DMBT1: variants seen among roughly 807,000 people sequenced by gnomAD.
The protein encoded by DMBT1 is scavenger receptor cysteine-rich domain-containing protein DMBT1.
In DMBT1, 198 loss-of-function variants were observed where a neutral mutation model predicts 252.9. The observed-to-expected ratio is 0.78, with a 90% CI of 0.70 to 0.88. The LOEUF is 0.88. Among genes scored for constraint, DMBT1 ranks in the 40% least tolerant of loss-of-function variants. The pLI is 0.00. For missense variants in DMBT1, 2,432 were observed against 2,404.7 expected (o/e 1.01, Z -0.24); for synonymous variants, 990 against 942.7 (o/e 1.05, Z -0.92).
rs1001154403 is a variant in DMBT1, at chr10:122,592,534, C to G, written c.2439C>G (p.Pro813=). ...ACGAGTCCTACCTGTGGAGCTGCCCCCACAATGGCTGGCTCTCCCACAACT... is the reference window on the plus strand; with the variant it reads ...ACGAGTCCTACCTGTGGAGCTGCCCGCACAATGGCTGGCTCTCCCACAACT... The part of the protein sequence containing the change: ...SGHESYLWSC[P]HNGWLSHNCG... Residue 813 remains proline, a synonymous_variant, in exon 20 of 56, where the codon CCC becomes CCG. Transcript: ENST00000338354. 1 of 1,588,180 alleles carries G rather than the reference C, an allele frequency of 6.3e-7. No homozygotes were observed. The highest frequency in any genetic ancestry group is 8.6e-7 in the Non-Finnish European group (1 of 1,165,588).
In DMBT1 at chr10:122,567,841, C is replaced by T. The variant is rs546394861; in HGVS notation, c.91+1845C>T. Reference sequence around the variant, plus strand: ...TCGAGGCTTGCTCTTGGACTTGATCCTGATGGGACTGGAGAGTGTACTGAA... The same window carrying T: ...TCGAGGCTTGCTCTTGGACTTGATCTTGATGGGACTGGAGAGTGTACTGAA... On this transcript the variant is annotated intron_variant, in intron 2 of 55. Transcript: ENST00000338354. Among the ~76,000 whole-genome samples, 4 of 152,288 alleles carry T rather than the reference C, an allele frequency of 2.6e-5. No individual in the cohort carries two copies. In the South Asian group the frequency reaches 8.3e-4, roughly 32 times the overall value.
At chr10:122,635,256 GATT>G (rs1393483258) in intron 52 of DMBT1, among the ~76,000 whole-genome samples, 1 of 152,188 alleles carries the variant, frequency 6.6e-6, no homozygotes, top group Non-Finnish European at 1.5e-5. Flanking sequence ...GCTTTAGAGA[GATT>G]ATTTGACTTG....
intron 1 of DMBT1, among the ~76,000 whole-genome samples, chr10:122,561,034 A>T (rs1314880405): frequency 6.6e-6 from 1 of 152,212 alleles, no homozygotes; most frequent in Non-Finnish European, 1.5e-5. Context: ...AAATGGTTGT[A>T]GTTAGAAAAA....
intron 11 of DMBT1, among the ~76,000 whole-genome samples, chr10:122,581,213 C>T (rs900619401): frequency 2.1e-5 from 3 of 146,124 alleles, no homozygotes; most frequent in African/African-American, 7.9e-5. Context: ...TCCGGACTCA[C>T]ATATAGTTTC....
intron 16 of DMBT1, 31 bp downstream of exon 16, chr10:122,586,414 T>C (rs573497759): frequency 6.3e-7 from 1 of 1,585,452 alleles, no homozygotes; most frequent in South Asian, 1.2e-5. Flanking sequence ...GTTTCCTCTC[T>C]TGGGGTAGAT....
chr10:122,637,030 T>G (rs1773184420), intron 53 of DMBT1, 98 bp from the exon 54 acceptor site: 1 of 1,185,402 alleles, frequency 8.4e-7, no homozygotes, highest in Non-Finnish European at 1.2e-6. Flanking sequence ...TCAGCCACCC[T>G]GGTCTGTGCA....
chr10:122,586,182 G>A lies in DMBT1; in HGVS notation c.1582G>A (p.Ala528Thr). ...TGATGACAGCTGGGACACCAATGAT[G>A]CCAATGTGGTCTGCAGGCAGCTGGG... ...VCDDSWDTND[A>T]NVVCRQLGCG... The change falls in exon 16 of 56, where the codon GCC (alanine) becomes ACC (threonine). Residue 528 changes from alanine (A) to threonine (T), a missense_variant. Around this residue, in one of 3 missense-constraint regions of DMBT1, gnomAD observed 1,264 missense variants for 1,082.2 expected, o/e 1.17. Coordinates refer to ENST00000338354, the MANE Select transcript of DMBT1 (RefSeq NM_001377530.1). 1.3e-6 allele frequency: 2 copies of A among 1,589,338 alleles called. No individual in the cohort carries two copies. Among genetic ancestry groups the A allele is most frequent in the Non-Finnish European group, 1.7e-6 (2 of 1,166,144 alleles).
At chr10:122,628,693 A>G (rs1180269351) in intron 46 of DMBT1, among the ~76,000 whole-genome samples, 1 of 152,236 alleles carries the variant, frequency 6.6e-6, no homozygotes, top group East Asian at 1.9e-4. Context: ...CAACATGATG[A>G]ACTTTGAAAA....
At chr10:122,632,918 G>A in intron 51 of DMBT1, 28 bp downstream of exon 51, 1 of 1,613,562 alleles carries the variant, frequency 6.2e-7, no homozygotes, top group Non-Finnish European at 8.5e-7. Context: ...TGACAAGTCT[G>A]TGGCAGAGTG....
intron 52 of DMBT1, 43 bp from the exon 53 acceptor site, chr10:122,635,948 T>C (rs200754491): frequency 1.2e-4 from 197 of 1,607,782 alleles, no homozygotes; most frequent in Non-Finnish European, 1.6e-4. Flanking sequence ...TGCGTCAAAT[T>C]CTGGGAGGAA....
In DMBT1 at chr10:122,590,645, T is replaced by C. The variant is rs1172987695; in HGVS notation, c.2108-20T>C. The C allele has an allele frequency of 2.8e-5, 44 of 1,587,626 alleles. 5 individuals are homozygous for C. The highest frequency in any genetic ancestry group is 3.6e-5 in the Non-Finnish European group (42 of 1,165,252). On this transcript the variant is annotated intron_variant, in intron 17 of 55. Transcript: ENST00000338354. Reference sequence around the variant, plus strand: ...CAGCTTCTGTATAGTGCATCTGATCTGACCTCCTCTTTCTCACAGCTGCCC... The same window carrying C: ...CAGCTTCTGTATAGTGCATCTGATCCGACCTCCTCTTTCTCACAGCTGCCC...
In DMBT1 at chr10:122,631,011, G is replaced by A. The variant is rs1379290360; in HGVS notation, c.6076G>A (p.Gly2026Arg). Residue 2026 changes from glycine (G) to arginine (R), a missense_variant, in exon 49 of 56, where the codon GGG (glycine) becomes AGG (arginine). Gly to Arg is a moderately radical substitution (Grantham distance 125). Transcript: ENST00000338354. Reference sequence around the variant, plus strand: ...AAATTCATCCTATGGTCTATGTGCCGGGCGTGTAGAAATTTACCATGGTGG... The same window carrying A: ...AAATTCATCCTATGGTCTATGTGCCAGGCGTGTAGAAATTTACCATGGTGG... ...NLNSSYGLCA[G>R]RVEIYHGGTW... The A allele has an allele frequency of 7.4e-6, 12 of 1,612,736 alleles. No homozygotes were observed. Among genetic ancestry groups the A allele is most frequent in the South Asian group, 6.6e-5 (6 of 91,060 alleles).
At chr10:122,621,737 CCT>C (rs1383590332) in intron 44 of DMBT1, among the ~76,000 whole-genome samples, 2 of 152,168 alleles carry the variant, frequency 1.3e-5, no homozygotes, top group Admixed American at 6.5e-5. Flanking sequence ...GAGGAGGGAT[CCT>C]CTCCTTAGGA....
chr10:122,590,024 A>G (rs1216750847), intron 17 of DMBT1, among the ~76,000 whole-genome samples: 1 of 148,430 alleles, frequency 6.7e-6, no homozygotes. Context: ...AGGTGGATGG[A>G]GCACATATAG....
intron 27 of DMBT1, 70 bp downstream of exon 27, chr10:122,600,163 A>G: frequency 6.4e-7 from 1 of 1,554,296 alleles, no homozygotes; most frequent in Non-Finnish European, 8.8e-7. Flanking sequence ...CACACTCCAC[A>G]GAGCTCTCCT....
intron 52 of DMBT1, among the ~76,000 whole-genome samples, chr10:122,633,644 C>T (rs1430783269): frequency 1.3e-5 from 2 of 152,186 alleles, no homozygotes; most frequent in Admixed American, 1.3e-4. Flanking sequence ...CTCAACTTTC[C>T]TGAGCCTCAG....
At chr10:122,586,015 A>G in intron 15 of DMBT1, 45 bp from the exon 16 acceptor site, 1 of 1,586,218 alleles carries the variant, frequency 6.3e-7, no homozygotes, top group Middle Eastern at 2.1e-4. Flanking sequence ...TAGATTCTTG[A>G]CCTCATGATA....
chr10:122,567,698 T>C (rs1377697791), intron 2 of DMBT1, among the ~76,000 whole-genome samples: 1 of 152,076 alleles, frequency 6.6e-6, no homozygotes, highest in Non-Finnish European at 1.5e-5. Context: ...CAGTGGGTGG[T>C]CTAGTGGCAT....
chr10:122,565,393 C>G (rs560913782), intron 1 of DMBT1, among the ~76,000 whole-genome samples: 2 of 152,102 alleles, frequency 1.3e-5, no homozygotes, highest in Non-Finnish European at 2.9e-5. Context: ...TATCAACACT[C>G]ACGAGTATAG....
Sources: allele counts gnomAD v4.1 joint callset (sites outside exome capture counted in the v4.1 genomes callset), GRCh38; gene constraint gnomAD v4.1.1; regional missense constraint gnomAD v4.1.1; transcripts MANE v1.5; gene names NCBI Gene and HGNC (gene_info 2026-07-23, HGNC 2026-07-21).